SCFD1: variants seen among roughly 807,000 people sequenced by gnomAD.
The protein encoded by SCFD1 is sec1 family domain containing 1, also known as sec1 family domain-containing protein 1.
Under a neutral mutation model 103.2 loss-of-function variants are expected in SCFD1, and 37 were observed. That is an observed-to-expected ratio of 0.36 (90% CI 0.28 to 0.47). The LOEUF is 0.47. Among genes scored for constraint, SCFD1 ranks in the 20% least tolerant of loss-of-function variants. The probability of loss-of-function intolerance (pLI) is 1.00; values close to 1 mark genes in which losing one functional copy is unlikely to be tolerated. For synonymous variants in SCFD1, 264 were observed against 245.0 expected (o/e 1.08, Z -0.73); for missense variants, 639 against 761.2 (o/e 0.84, Z 1.89).
intron 24 of SCFD1, 85 bp downstream of exon 24, chr14:30,734,943 T>TA: frequency 8.9e-7 from 1 of 1,125,184 alleles, no homozygotes; most frequent in Non-Finnish European, 1.3e-6. Context: ...GAAAACCACT[T>TA]ACTCACCTGA....
At chr14:30,647,595 G>T (rs1281565252) in intron 7 of SCFD1, among the ~76,000 whole-genome samples, 1 of 151,906 alleles carries the variant, frequency 6.6e-6, no homozygotes, top group Non-Finnish European at 1.5e-5. Flanking sequence ...CATATGGTTT[G>T]TTGTTGTTGT....
At position 30,643,371 on chromosome 14, in the gene SCFD1, A is replaced by C; in HGVS notation, c.579A>C (p.Ile193=). The change falls in exon 7 of 25, where the codon ATA becomes ATC. Residue 193 remains isoleucine (I), a synonymous_variant. Transcript: ENST00000458591. ...DTEMETVMDT[I]VDSLFCFFVT... ...AAATGGAAACTGTTATGGACACTAT[A>C]GTTGACAGCCTCTTCTGCTTTTTTG... 6.2e-7 allele frequency: 1 copy of C among 1,613,652 alleles called. No individual in the cohort carries two copies.
intron 13 of SCFD1, among the ~76,000 whole-genome samples, chr14:30,674,716 T>A (rs1202915280): frequency 6.6e-6 from 1 of 152,188 alleles, no homozygotes; most frequent in Non-Finnish European, 1.5e-5. Flanking sequence ...TTGATTTTAT[T>A]TAAACCTCCA....
intron 14 of SCFD1, chr14:30,682,967 T>C (rs746609236): frequency 1.0e-5 from 7 of 689,300 alleles, no homozygotes; most frequent in Middle Eastern, 3.0e-4. Context: ...ACAGAGTCTA[T>C]ACAGAAATCA....
chr14:30,637,075 G>T (rs530724889), intron 4 of SCFD1, among the ~76,000 whole-genome samples: 20 of 152,098 alleles, frequency 1.3e-4, no homozygotes, highest in Admixed American at 1.2e-3. Flanking sequence ...CAGGATCTAG[G>T]CATTAGGTAT....
intron 14 of SCFD1, among the ~76,000 whole-genome samples, chr14:30,691,942 T>TTATTTATG (rs1890338627): frequency 7.1e-6 from 1 of 141,368 alleles, no homozygotes; most frequent in Non-Finnish European, 1.6e-5. Flanking sequence ...CTTTATTTAT[T>TTATTTATG]TATTTATTTA....
chr14:30,663,105 A>G (rs1489573502), intron 10 of SCFD1, among the ~76,000 whole-genome samples: 1 of 152,238 alleles, frequency 6.6e-6, no homozygotes, highest in East Asian at 1.9e-4. Context: ...CAATGGAAAT[A>G]TCCTTGCTAT....
At chr14:30,703,942 T>TG (rs1891270621) in intron 17 of SCFD1, among the ~76,000 whole-genome samples, 2 of 60,358 alleles carry the variant, frequency 3.3e-5, no homozygotes, top group Non-Finnish European at 5.3e-5. Flanking sequence ...TATATATATA[T>TG]ATATATATAT....
At chr14:30,709,795 G>C (rs559850844) in intron 19 of SCFD1, among the ~76,000 whole-genome samples, 40 of 152,216 alleles carry the variant, frequency 2.6e-4, no homozygotes, top group Non-Finnish European at 4.7e-4. Flanking sequence ...TGTTTCATGA[G>C]ACAAAGGGGG....
In SCFD1 at chr14:30,627,438, A is replaced by T. The variant is rs184822400; in HGVS notation, c.62-771A>T. On this transcript the variant is annotated intron_variant, in intron 1 of 24. Coordinates refer to ENST00000458591, the MANE Select transcript of SCFD1 (RefSeq NM_016106.4). ...TGAACCAATTGAATATGCCATGGAT[A>T]ATTTTGTTTTTAGAAAGACTGATCC... 3.3e-5 allele frequency among the ~76,000 whole-genome samples: 5 copies of T among 152,296 alleles called. No homozygotes were observed. The East Asian group carries it at 9.7e-4, about 29-fold the overall frequency.
chr14:30,725,093 A>G (rs1470529247), intron 23 of SCFD1, among the ~76,000 whole-genome samples: 1 of 152,070 alleles, frequency 6.6e-6, no homozygotes, highest in Non-Finnish European at 1.5e-5. Context: ...ATAGCCCTGT[A>G]CTATAGTTTG....
chr14:30,715,284 A>T (rs905573920), intron 19 of SCFD1: 3 of 152,202 alleles, frequency 2.0e-5, no homozygotes, highest in African/African-American at 7.2e-5. Flanking sequence ...AATGAAAAAA[A>T]TACAGTGGGA....
intron 5 of SCFD1, among the ~76,000 whole-genome samples, chr14:30,638,463 T>A (rs1448791424): frequency 2.6e-5 from 4 of 152,174 alleles, no homozygotes; most frequent in African/African-American, 9.7e-5. Context: ...TTTAATGAAT[T>A]TGAAAGACAG....
chr14:30,651,029 A>G (rs989790583), intron 9 of SCFD1, among the ~76,000 whole-genome samples: 12 of 152,090 alleles, frequency 7.9e-5, no homozygotes, highest in Non-Finnish European at 1.5e-5. Flanking sequence ...CTTAAATACT[A>G]ATAGCCTAAA....
intron 12 of SCFD1, 114 bp from the exon 13 acceptor site, chr14:30,673,810 A>T (rs1050111878): frequency 1.4e-6 from 1 of 724,794 alleles, no homozygotes; most frequent in African/African-American, 1.8e-5. Flanking sequence ...TGACTTAAAA[A>T]TCTTACGGTA....
intron 6 of SCFD1, 45 bp from the exon 7 acceptor site, chr14:30,643,271 C>T: frequency 9.0e-7 from 1 of 1,113,604 alleles, no homozygotes. Flanking sequence ...AAAGATGAGG[C>T]ATAAGTTTGG....
chr14:30,625,532 A>T (rs1327976642), intron 1 of SCFD1, among the ~76,000 whole-genome samples: 1 of 152,116 alleles, frequency 6.6e-6, no homozygotes, highest in Non-Finnish European at 1.5e-5. Flanking sequence ...AAACTCTGAT[A>T]AAAGTAAAAT....
chr14:30,709,814 C>G (rs980816055), intron 19 of SCFD1, among the ~76,000 whole-genome samples: 4 of 152,212 alleles, frequency 2.6e-5, no homozygotes, highest in Non-Finnish European at 5.9e-5. Flanking sequence ...GGACCACCAA[C>G]TTCTACGGTA....
At chr14:30,734,351 C>G (rs1049100122) in intron 23 of SCFD1, 1 of 168,562 alleles carries the variant, frequency 5.9e-6, no homozygotes, top group African/African-American at 2.4e-5. Context: ...CTTATAAATA[C>G]TGTGTTGCTC....
Sources: allele counts gnomAD v4.1 joint callset (sites outside exome capture counted in the v4.1 genomes callset), GRCh38; gene constraint gnomAD v4.1.1; transcripts MANE v1.5; gene names NCBI Gene and HGNC (gene_info 2026-07-23, HGNC 2026-07-21).